The following H2AZ1 variants were observed in gnomAD, a reference collection of about 807,000 sequenced individuals.
H2AZ1 encodes histone H2A.Z.
H2AZ1 carries 3 observed loss-of-function variants against 16.6 expected under a neutral mutation model. The observed-to-expected ratio is 0.18, with a 90% confidence interval of 0.08 to 0.47. The LOEUF (loss-of-function observed/expected upper bound fraction) is 0.47, where lower values mean the gene tolerates loss of function less well. Ranked by LOEUF, H2AZ1 falls within the 20% of genes least tolerant of loss-of-function variation. The probability of loss-of-function intolerance (pLI) is 0.98; values close to 1 mark genes in which losing one functional copy is unlikely to be tolerated. For synonymous variants in H2AZ1, 78 were observed against 60.7 expected (o/e 1.28, Z -1.32); for missense variants, 27 against 163.6 (o/e 0.17, Z 4.55).
intron 4 of H2AZ1, 83 bp from the exon 5 acceptor site, chr4:99,948,606 A>G: frequency 1.3e-6 from 2 of 1,562,796 alleles, no homozygotes; most frequent in South Asian, 2.4e-5. Flanking sequence ...TATACTGTTC[A>G]ACTTGAAAGG....
Position 99,948,372 on chromosome 4 carries a change from T to C in H2AZ1, c.*90A>G. On this transcript the variant is annotated 3_prime_UTR_variant, in exon 5 of 5. Coordinates refer to ENST00000296417, the MANE Select transcript of H2AZ1 (RefSeq NM_002106.4). The stretch of plus-strand genomic sequence containing the variant: ...ATTACAAAAAGGCAAAATTGTGTTT[T>C]TCACAGAGATACAGTCCACTGGAAT... The C allele has an allele frequency of 1.2e-6, 1 of 869,470 alleles. No homozygotes were observed. The highest frequency in any genetic ancestry group is 1.8e-5 in the Admixed American group (1 of 56,544). 53.9% of individuals were successfully genotyped at this position (869,470 alleles called of 1,614,324 possible).
Position 99,949,669 on chromosome 4 carries a change from G to A in H2AZ1, c.75C>T (p.Gly25=), listed in dbSNP as rs749524048. The change falls in exon 2 of 5, where the codon GGC becomes GGT. Residue 25 remains glycine, a synonymous_variant. Coordinates refer to ENST00000296417, the MANE Select transcript of H2AZ1 (RefSeq NM_002106.4). ...TGCACGAACAACTACTGACCTGCAAGCCGGCTCTCTGCGAGCGGGAAACCG... is the reference window on the plus strand; with the variant it reads ...TGCACGAACAACTACTGACCTGCAAACCGGCTCTCTGCGAGCGGGAAACCG... The part of the protein sequence containing the change: ...TKAVSRSQRA[G]LQFPVGRIHR... 1.2e-6 allele frequency: 2 copies of A among 1,613,798 alleles called. No individual in the cohort carries two copies. The highest frequency in any genetic ancestry group is 1.7e-6 in the Non-Finnish European group (2 of 1,179,702).
Position 99,948,791 on chromosome 4 carries a change from A to C in H2AZ1, c.325+20T>G. 6.3e-7 allele frequency: 1 copy of C among 1,576,170 alleles called. No individual in the cohort carries two copies. The highest frequency in any genetic ancestry group is 8.6e-7 in the Non-Finnish European group (1 of 1,165,236). ...TCCTTCCTCTGAAGAAATTTTTTAA[A>C]ATGTTAGAAGTTAACATACCACCAC... On this transcript the variant is annotated intron_variant, in intron 4 of 4. Transcript: ENST00000296417.
Position 99,948,553 on chromosome 4 carries a change from T to A in H2AZ1, c.326-30A>T, listed in dbSNP as rs555055708. 1.7e-5 allele frequency: 28 copies of A among 1,607,008 alleles called. No homozygotes were observed. In the East Asian group the frequency reaches 2.5e-4, roughly 14 times the overall value. On this transcript the variant is annotated intron_variant, in intron 4 of 4. Coordinates refer to ENST00000296417, the MANE Select transcript of H2AZ1 (RefSeq NM_002106.4). Reference sequence around the variant, plus strand: ...GAGAGTGACAGGAATTAATTCTACTTAAGATTTTTTAAAAAATCACAGTAT... The same window carrying A: ...GAGAGTGACAGGAATTAATTCTACTAAAGATTTTTTAAAAAATCACAGTAT...
chr4:99,949,762 G>A (rs763616838), intron 1 of H2AZ1, 22 bp from the exon 2 acceptor site: 52 of 1,584,060 alleles, frequency 3.3e-5, no homozygotes, highest in Non-Finnish European at 4.1e-5. Context: ...ACACGCCCGC[G>A]AGCGGAGGAG....
chr4:99,949,033 C>A, intron 3 of H2AZ1, 93 bp from the exon 4 acceptor site: 1 of 809,594 alleles, frequency 1.2e-6, no homozygotes, highest in Non-Finnish European at 2.1e-6. Flanking sequence ...GATCTACCAA[C>A]TGGAATCGTT....
At chr4:99,948,780 A>G (rs376782735) in intron 4 of H2AZ1, 31 bp downstream of exon 4, 4 of 1,574,564 alleles carry the variant, frequency 2.5e-6, no homozygotes, top group Non-Finnish European at 3.4e-6. Context: ...TCCTCTGAAG[A>G]AATTTTTTAA....
chr4:99,949,094 A>G, intron 3 of H2AZ1, 154 bp from the exon 4 acceptor site: 1 of 683,222 alleles, frequency 1.5e-6, no homozygotes, highest in South Asian at 1.8e-5. Flanking sequence ...TTTTAATTCC[A>G]AGAGCAGAGA....
At chr4:99,950,138 G>A in intron 1 of H2AZ1, 30 bp downstream of exon 1, 1 of 1,606,744 alleles carries the variant, frequency 6.2e-7, no homozygotes. Context: ...AAAAACCCGC[G>A]GAGTCATCGA....
rs1578247902 is a variant in H2AZ1 at position 99,948,443 on chromosome 4, C to G, written c.*19G>C. The G allele has an allele frequency of 1.5e-6, 2 of 1,311,874 alleles. No homozygotes were observed. The highest frequency in any genetic ancestry group is 2.2e-6 in the Non-Finnish European group (2 of 904,660). 81.3% of individuals were successfully genotyped at this position (1,311,874 alleles called of 1,614,324 possible). A position where few individuals can be genotyped will look rare whatever the true frequency, so the allele number is the denominator to read the frequency against. On this transcript the variant is annotated 3_prime_UTR_variant, in exon 5 of 5. Coordinates refer to ENST00000296417, the MANE Select transcript of H2AZ1 (RefSeq NM_002106.4). ...TAGAGTATTTAGAGTCCTGAGATAA[C>G]AAGGAATCCAGGCATCCTTTAGACA...
At chr4:99,950,013 C>A in intron 1 of H2AZ1, 155 bp downstream of exon 1, 1 of 635,270 alleles carries the variant, frequency 1.6e-6, no homozygotes, top group Non-Finnish European at 2.7e-6. Flanking sequence ...GAGGCTGCTC[C>A]GCTAGCAGCC....
rs945560335 is a variant in H2AZ1 at position 99,948,209 on chromosome 4, GTCAAC to G, written c.*248_*252del. 8.4e-5 allele frequency: 55 copies of G among 654,808 alleles called. No homozygotes were observed. Among genetic ancestry groups the G allele is most frequent in the Non-Finnish European group, 3.1e-5 (11 of 360,644 alleles). 40.6% of individuals were successfully genotyped at this position (654,808 alleles called of 1,614,324 possible). ...AAATCCAAACAGTTTTTTAAAAACA[GTCAAC>G]TCAATCAAAACCCACTACTTCAGAA... On this transcript the variant is annotated 3_prime_UTR_variant, in exon 5 of 5. Coordinates refer to ENST00000296417, the MANE Select transcript of H2AZ1 (RefSeq NM_002106.4).
In H2AZ1 at chr4:99,948,944, A is replaced by G. The variant is rs2110233292; in HGVS notation, c.196-4T>C. 6.5e-7 allele frequency: 1 copy of G among 1,548,182 alleles called. No homozygotes were observed. ...CATTTCCTGCCAGTTCAAGTACCTA[A>G]AAGGCAGAATCTGTCAGTTGCCTTC... On this transcript the variant is annotated splice_region_variant and splice_polypyrimidine_tract_variant and intron_variant, in intron 3 of 4. Coordinates refer to ENST00000296417, the MANE Select transcript of H2AZ1 (RefSeq NM_002106.4).
At chr4:99,949,103 G>C (rs995291245) in intron 3 of H2AZ1, 163 bp from the exon 4 acceptor site, 2 of 674,448 alleles carry the variant, frequency 3.0e-6, no homozygotes, top group African/African-American at 1.8e-5. Context: ...CAAGAGCAGA[G>C]AACTCAAGCT....
rs1401217040 is a variant in H2AZ1, at chr4:99,948,352, A to G, written c.*110T>C. ...TTCCAACTTGCTCAAATAGAATTAC[A>G]AAAAGGCAAAATTGTGTTTTTCACA... is the stretch of plus-strand genomic sequence containing the variant. On this transcript the variant is annotated 3_prime_UTR_variant, in exon 5 of 5. Transcript: ENST00000296417. The G allele has an allele frequency of 6.2e-6, 5 of 802,464 alleles. No homozygotes were observed. Among genetic ancestry groups the G allele is most frequent in the Non-Finnish European group, 8.9e-6 (4 of 449,116 alleles). 49.7% of individuals were successfully genotyped at this position (802,464 alleles called of 1,614,324 possible).
chr4:99,949,836 GAGCGC>G, intron 1 of H2AZ1, 96 bp from the exon 2 acceptor site: 1 of 971,326 alleles, frequency 1.0e-6, no homozygotes, highest in Non-Finnish European at 1.5e-6. Context: ...GTCCCGCCGC[GAGCGC>G]GTCCCCGCAC....
At position 99,950,261 on chromosome 4, in the gene H2AZ1, C is replaced by G. The variant is rs1727249990; in HGVS notation, c.-91G>C. ...CCCACCACCTACTCCTTCGTCGCAC[C>G]GCGATTCAAACTGCGCTGTCTCCCG... On this transcript the variant is annotated 5_prime_UTR_variant, in exon 1 of 5. Transcript: ENST00000296417. The G allele has an allele frequency of 2.4e-6, 3 of 1,255,992 alleles. No individual in the cohort carries two copies. Among genetic ancestry groups the G allele is most frequent in the Non-Finnish European group, 3.4e-6 (3 of 872,250 alleles). The allele number at this position is 1,255,992 out of a possible 1,614,324, so 77.8% of individuals were successfully genotyped here. A position where few individuals can be genotyped will look rare whatever the true frequency, so the allele number is the denominator to read the frequency against.
intron 2 of H2AZ1, 34 bp from the exon 3 acceptor site, chr4:99,949,420 C>CA: frequency 7.4e-7 from 1 of 1,353,156 alleles, no homozygotes; most frequent in Non-Finnish European, 1.1e-6. Context: ...CATAAATGCA[C>CA]AAAAATGAGA....
chr4:99,950,225 C>A lies in H2AZ1; in HGVS notation c.-55G>T. On this transcript the variant is annotated 5_prime_UTR_variant, in exon 1 of 5. Coordinates refer to ENST00000296417, the MANE Select transcript of H2AZ1 (RefSeq NM_002106.4). ...AGGCAGAGAAAAGGCTAATCGGACC[C>A]ACGGTGAGATCCCACCACCTACTCC... 7.0e-6 allele frequency: 11 copies of A among 1,577,996 alleles called. No individual in the cohort carries two copies. Among genetic ancestry groups the A allele is most frequent in the South Asian group, 2.3e-5 (2 of 88,716 alleles).
Sources: gnomAD v4.1 joint callset for allele counts on GRCh38, gnomAD v4.1.1 for gene constraint, MANE v1.5 for transcripts, NCBI Gene and HGNC (gene_info 2026-07-23, HGNC 2026-07-21) for gene names.